JAKMIP1: variants seen among roughly 807,000 people sequenced by gnomAD.
JAKMIP1 encodes the protein janus kinase and microtubule interacting protein 1, also known as janus kinase and microtubule-interacting protein 1.
JAKMIP1 carries 33 observed loss-of-function variants against 113.0 expected under a neutral mutation model. The observed-to-expected ratio is 0.29, with a 90% CI of 0.22 to 0.39. The LOEUF is 0.39. JAKMIP1 is among the 10% of genes least tolerant of loss of function. The pLI is 1.00. For missense variants in JAKMIP1, 813 were observed against 1,080.5 expected (o/e 0.75, Z 3.47); for synonymous variants, 480 against 459.9 (o/e 1.04, Z -0.56).
At chr4:6,096,993 C>A (rs1293775735) in intron 3 of JAKMIP1, among the ~76,000 whole-genome samples, 2 of 152,170 alleles carry the variant, frequency 1.3e-5, no homozygotes, top group African/African-American at 2.4e-5. Flanking sequence ...CACCATCATT[C>A]CTGACAATGA....
intron 1 of JAKMIP1, among the ~76,000 whole-genome samples, chr4:6,196,888 G>A (rs1173123388): frequency 1.3e-5 from 2 of 150,884 alleles, no homozygotes; most frequent in African/African-American, 4.9e-5. Flanking sequence ...AAAGCACCAA[G>A]AAGGCTTTCT....
intron 1 of JAKMIP1, 63 bp from the exon 2 acceptor site, chr4:6,113,060 T>C: frequency 1.4e-6 from 1 of 729,182 alleles, no homozygotes; most frequent in Non-Finnish European, 2.1e-6. Flanking sequence ...TGTCCCTGCC[T>C]CGGGCACCCT....
At position 6,143,068 on chromosome 4, in the gene JAKMIP1, C is replaced by T. The variant is rs1370176188; in HGVS notation, c.-147-30071G>A. Among the ~76,000 whole-genome samples, 1 of 152,130 alleles carries T rather than the reference C, an allele frequency of 6.6e-6. No individual in the cohort carries two copies. Among genetic ancestry groups the T allele is most frequent in the Non-Finnish European group, 1.5e-5 (1 of 68,016 alleles). On this transcript the variant is annotated intron_variant, in intron 1 of 20. Coordinates refer to ENST00000409021, the MANE Select transcript of JAKMIP1 (RefSeq NM_001099433.2). This position sits in a 1 kb window ranked among gnomAD's most constrained non-coding sequence, Gnocchi z 4.9. ...AAGTTCAACACAGACTCTGGCTCTG[C>T]CTCACTGTGTGACTTTGAGCAAGTT... is the stretch of plus-strand genomic sequence containing the variant.
In JAKMIP1 at chr4:6,050,526, C is replaced by T; in HGVS notation, c.1908+52G>A. The T allele has an allele frequency of 7.6e-7, 1 of 1,324,060 alleles. No individual in the cohort carries two copies. Among genetic ancestry groups the T allele is most frequent in the Non-Finnish European group, 1.1e-6 (1 of 943,786 alleles). 82.0% of individuals were successfully genotyped at this position (1,324,060 alleles called of 1,614,324 possible). ...TCCCCCTTTGCAGCTGAGCCGGGCA[C>T]TGAGCGAGCCCTTGGCTGGCATTCA... On this transcript the variant is annotated intron_variant, in intron 14 of 20. Coordinates refer to ENST00000409021, the MANE Select transcript of JAKMIP1 (RefSeq NM_001099433.2). The surrounding 1 kb of genome is among the most constrained non-coding windows in gnomAD (Gnocchi z 7.4).
intron 1 of JAKMIP1, among the ~76,000 whole-genome samples, chr4:6,175,695 C>T (rs1725266576): frequency 6.6e-6 from 1 of 152,192 alleles, no homozygotes; most frequent in African/African-American, 2.4e-5. Flanking sequence ...CTTAGAACAC[C>T]AGCACCCTGC....
chr4:6,163,431 A>T (rs936149395), intron 1 of JAKMIP1, among the ~76,000 whole-genome samples: 9 of 152,230 alleles, frequency 5.9e-5, no homozygotes, highest in African/African-American at 2.2e-4. Context: ...CAGAGAAGTT[A>T]ATGGATAAAT....
Position 6,041,515 on chromosome 4 carries a change from G to A in JAKMIP1, c.2097+644C>T, listed in dbSNP as rs113905589. Reference sequence around the variant, plus strand: ...TGGCCTTTGACTACTCAAGAACCACGTCTTCTGGGAAGCCTTCTCTGTCCT... The same window carrying A: ...TGGCCTTTGACTACTCAAGAACCACATCTTCTGGGAAGCCTTCTCTGTCCT... On this transcript the variant is annotated intron_variant, in intron 17 of 20. Coordinates refer to ENST00000409021, the MANE Select transcript of JAKMIP1 (RefSeq NM_001099433.2). Among the ~76,000 whole-genome samples, 1,186 of 152,182 alleles carry A rather than the reference G, an allele frequency of 7.8e-3. 11 individuals carry two copies. The highest frequency in any genetic ancestry group is 0.013 in the Non-Finnish European group (868 of 68,014).
chr4:6,133,024 A>AT (rs969385183), intron 1 of JAKMIP1, among the ~76,000 whole-genome samples: 1 of 152,044 alleles, frequency 6.6e-6, no homozygotes, highest in Non-Finnish European at 1.5e-5. Flanking sequence ...AGCAAGCCTT[A>AT]TTTTTTTTAA....
intron 12 of JAKMIP1, among the ~76,000 whole-genome samples, chr4:6,056,424 G>C (rs1035598743): frequency 6.7e-6 from 1 of 150,012 alleles, no homozygotes; most frequent in African/African-American, 2.4e-5. Context: ...AGAGTGGCCT[G>C]GGAAGACAGG....
At chr4:6,041,628 C>A (rs1419387236) in intron 17 of JAKMIP1, among the ~76,000 whole-genome samples, 1 of 152,216 alleles carries the variant, frequency 6.6e-6, no homozygotes, top group African/African-American at 2.4e-5. Flanking sequence ...CAGTGCAACC[C>A]TGGTTATGTA....
intron 20 of JAKMIP1, among the ~76,000 whole-genome samples, chr4:6,027,934 G>A (rs1457043127): frequency 1.4e-4 from 21 of 152,224 alleles, no homozygotes. Context: ...CTACCTGGGA[G>A]ATGGGAAGAA....
At chr4:6,087,274 A>T (rs1349801587) in intron 3 of JAKMIP1, among the ~76,000 whole-genome samples, 7 of 151,026 alleles carry the variant, frequency 4.6e-5, no homozygotes, top group Admixed American at 1.3e-4. Flanking sequence ...CCCAACCCTG[A>T]CCATATGACC....
chr4:6,089,430 G>C lies in JAKMIP1; in HGVS notation c.625-3801C>G, dbSNP rs963319596. 1.3e-5 allele frequency among the ~76,000 whole-genome samples: 2 copies of C among 152,226 alleles called. No individual in the cohort carries two copies. The highest frequency in any genetic ancestry group is 4.8e-5 in the African/African-American group (2 of 41,460). On this transcript the variant is annotated intron_variant, in intron 3 of 20. Coordinates refer to ENST00000409021, the MANE Select transcript of JAKMIP1 (RefSeq NM_001099433.2). The surrounding 1 kb of genome is among the most constrained non-coding windows in gnomAD (Gnocchi z 5.3). Reference sequence around the variant, plus strand: ...GCTAGCGTGAGCTAGGTACTCATTTGTACTTAAGAGACACTCTCTGAGTCT... The same window carrying C: ...GCTAGCGTGAGCTAGGTACTCATTTCTACTTAAGAGACACTCTCTGAGTCT...
intron 1 of JAKMIP1, among the ~76,000 whole-genome samples, chr4:6,173,910 T>C (rs1189730605): frequency 6.6e-6 from 1 of 151,880 alleles, no homozygotes; most frequent in Admixed American, 6.6e-5. Flanking sequence ...ACCTCATCTC[T>C]ACTAAAAATA....
rs994865470 is a variant in JAKMIP1, at chr4:6,136,458, G to A, written c.-147-23461C>T. 1.3e-5 allele frequency among the ~76,000 whole-genome samples: 2 copies of A among 152,068 alleles called. No individual in the cohort carries two copies. Among genetic ancestry groups the A allele is most frequent in the African/African-American group, 4.8e-5 (2 of 41,398 alleles). ...TTGAGGGACCTGCTGGAAGGAACTC[G>A]GTATCAGTCCAGAGTGATCTATTTA... On this transcript the variant is annotated intron_variant, in intron 1 of 20. Transcript: ENST00000409021. The surrounding 1 kb of genome is among the most constrained non-coding windows in gnomAD (Gnocchi z 5.9).
intron 11 of JAKMIP1, among the ~76,000 whole-genome samples, chr4:6,058,010 G>A (rs1007215594): frequency 2.0e-5 from 3 of 152,236 alleles, no homozygotes; most frequent in African/African-American, 7.2e-5. Context: ...ACTAAGTATT[G>A]GGGTGGTTTG....
Position 6,042,077 on chromosome 4 carries a change from C to T in JAKMIP1, c.2097+82G>A, listed in dbSNP as rs181049507. ...AAATGCATGCAAATCATTAGGAAAA[C>T]ACATGCAAAGCCTTCCTGCAAATCA... On this transcript the variant is annotated intron_variant, in intron 17 of 20. Transcript: ENST00000409021. This position sits in a 1 kb window ranked among gnomAD's most constrained non-coding sequence, Gnocchi z 5.2. The T allele has an allele frequency of 1.3e-5, 15 of 1,132,512 alleles. No individual in the cohort carries two copies. The East Asian group carries it at 2.6e-4, about 20-fold the overall frequency. 70.2% of individuals were successfully genotyped at this position (1,132,512 alleles called of 1,614,324 possible).
Position 6,042,291 on chromosome 4 carries a change from A to G in JAKMIP1, c.2029-64T>C. 7.7e-7 allele frequency: 1 copy of G among 1,300,042 alleles called. No homozygotes were observed. 80.5% of individuals were successfully genotyped at this position (1,300,042 alleles called of 1,614,324 possible). A position where few individuals can be genotyped will look rare whatever the true frequency, so the allele number is the denominator to read the frequency against. ...AGAGTCAGAACCCAAGGGGCTGTGG[A>G]ATTTCACAGGTGTGTGAATTTCATA... On this transcript the variant is annotated intron_variant, in intron 16 of 20. Transcript: ENST00000409021. The surrounding 1 kb of genome is among the most constrained non-coding windows in gnomAD (Gnocchi z 5.2).
At chr4:6,030,190 G>C (rs1334870743) in intron 19 of JAKMIP1, among the ~76,000 whole-genome samples, 1 of 152,044 alleles carries the variant, frequency 6.6e-6, no homozygotes, top group African/African-American at 2.4e-5. Flanking sequence ...GGTGGGATGT[G>C]ACACCACATC....
Sources: allele counts gnomAD v4.1 joint callset (sites outside exome capture counted in the v4.1 genomes callset), GRCh38; gene constraint gnomAD v4.1.1; non-coding constraint Gnocchi (gnomAD v3.1); transcripts MANE v1.5; gene names NCBI Gene and HGNC (gene_info 2026-07-23, HGNC 2026-07-21).